SP140: variants seen among roughly 807,000 people sequenced by gnomAD.
SP140 encodes nuclear body protein SP140.
A neutral mutation model predicts 125.0 loss-of-function variants in SP140; 81 were observed. The ratio of observed to expected loss-of-function variants is 0.65; its 90% CI spans 0.54 to 0.78. SP140 has a LOEUF of 0.78. Ranked by LOEUF, SP140 falls within the 30% of genes least tolerant of loss-of-function variation. The pLI, the probability that SP140 is intolerant of heterozygous loss-of-function variation, is 0.00. For synonymous variants in SP140, 312 were observed against 354.0 expected, an observed-to-expected ratio of 0.88 and a Z score of 1.33; for missense variants, 858 against 1,037.0, an observed-to-expected ratio of 0.83 and a Z score of 2.37.
At chr2:230,257,096 A>C (rs752201057) in intron 12 of SP140, among the ~76,000 whole-genome samples, 24 of 151,972 alleles carry the variant, frequency 1.6e-4, no homozygotes, top group Non-Finnish European at 2.6e-4. Context: ...TGAGGTGGGC[A>C]TGGGTTGGGG....
At chr2:230,226,466 G>A (rs1467161041) in intron 1 of SP140, among the ~76,000 whole-genome samples, 2 of 152,194 alleles carry the variant, frequency 1.3e-5, no homozygotes, top group South Asian at 4.1e-4. Context: ...TAGAGAGTGA[G>A]TGCTGCTTCT....
intron 12 of SP140, among the ~76,000 whole-genome samples, chr2:230,257,791 G>A (rs1329020644): frequency 1.3e-5 from 2 of 151,942 alleles, no homozygotes; most frequent in African/African-American, 2.4e-5. Flanking sequence ...AAAATAAGGG[G>A]CCACCACTTA....
rs184262405 is a variant in SP140 at position 230,254,169 on chromosome 2, A to G, written c.1159+752A>G. Among the ~76,000 whole-genome samples, 710 of 152,332 alleles carry G rather than the reference A, an allele frequency of 4.7e-3. 8 individuals carry two copies. The highest frequency in any genetic ancestry group is 0.016 in the African/African-American group (675 of 41,570). ...CAATGTTGGAAGGAAGCACAGATTA[A>G]ACTATGCAGAGAAAGAGATCAAAAT... On this transcript the variant is annotated intron_variant, in intron 11 of 26. Transcript: ENST00000392045.
intron 21 of SP140, among the ~76,000 whole-genome samples, chr2:230,295,649 C>T (rs1163579111): frequency 6.6e-6 from 1 of 152,180 alleles, no homozygotes; most frequent in Non-Finnish European, 1.5e-5. Flanking sequence ...TCCTCTGTGC[C>T]TCTCAGAGCT....
At chr2:230,214,718 T>C (rs2044908887) in intron 3 of SP140, among the ~76,000 whole-genome samples, 1 of 152,218 alleles carries the variant, frequency 6.6e-6, no homozygotes, top group African/African-American at 2.4e-5. Flanking sequence ...TTTTTCCAAA[T>C]TCATAGAACA....
upstream of SP140, chr2:230,221,655 G>T: frequency 6.6e-7 from 1 of 1,505,334 alleles, no homozygotes; most frequent in Non-Finnish European, 8.9e-7. Flanking sequence ...AGGGGATGGC[G>T]GTGGTAAAGG....
At chr2:230,193,444 T>C in the SP140 span, among the ~76,000 whole-genome samples, 1 of 152,262 alleles carries the variant, frequency 6.6e-6, no homozygotes, top group Non-Finnish European at 1.5e-5. Flanking sequence ...TATTGTTTTA[T>C]AGACCTTGTG....
chr2:230,290,545 TAAG>T lies in SP140; in HGVS notation c.1812_1814del (p.Lys605del), dbSNP rs1323795400. On this transcript the variant is annotated inframe_deletion, in exon 19 of 27. Coordinates refer to ENST00000392045, the MANE Select transcript of SP140 (RefSeq NM_007237.5). ...GTGGTGGGGTGAAGGGAATTTTACATAAGAAGAAATTGCAGCAAGGTAGGTTTT... is the reference window on the plus strand; with the variant it reads ...GTGGTGGGGTGAAGGGAATTTTACATAAGAAATTGCAGCAAGGTAGGTTTT... The T allele has an allele frequency of 6.2e-7, 1 of 1,613,434 alleles. No homozygotes were observed. Among genetic ancestry groups the T allele is most frequent in the Non-Finnish European group, 8.5e-7 (1 of 1,179,738 alleles).
chr2:230,229,537 G>A (rs1007482908), intron 1 of SP140, among the ~76,000 whole-genome samples: 1 of 134,270 alleles, frequency 7.4e-6, no homozygotes, highest in African/African-American at 2.8e-5. Context: ...GTGCAATCTC[G>A]GCTCTCTGCA....
At chr2:230,219,768 A>G (rs558946624) in intron 3 of SP140, 2 of 229,772 alleles carry the variant, frequency 8.7e-6, no homozygotes, top group African/African-American at 2.3e-5. Flanking sequence ...AGAGAGCCTC[A>G]GAGTTTAAAT....
At position 230,237,176 on chromosome 2, in the gene SP140, G is replaced by A. The variant is rs150272144; in HGVS notation, c.153G>A (p.Val51=). ...TCAGGTTCTTCAGAGAAAACAAGGT[G>A]GAGATTGCAAGTGCAATAACAAGGC... The part of the protein sequence containing the change: ...PIFRFFRENK[V]EIASAITRPF... The change falls in exon 2 of 27, where the codon GTG becomes GTA. Residue 51 remains valine (V), a synonymous_variant. Coordinates refer to ENST00000392045, the MANE Select transcript of SP140 (RefSeq NM_007237.5). This position sits in a 1 kb window ranked among gnomAD's most constrained non-coding sequence, Gnocchi z 5.4. The A allele has an allele frequency of 3.1e-6, 5 of 1,613,532 alleles. No homozygotes were observed. The highest frequency in any genetic ancestry group is 4.2e-6 in the Non-Finnish European group (5 of 1,179,760).
chr2:230,278,161 G>A (rs183619228), intron 15 of SP140, among the ~76,000 whole-genome samples: 20 of 152,118 alleles, frequency 1.3e-4, no homozygotes, highest in Middle Eastern at 6.8e-3. Flanking sequence ...CTGCCTTTTT[G>A]CTAATAGCTA....
intron 12 of SP140, among the ~76,000 whole-genome samples, chr2:230,258,620 A>G (rs1239474842): frequency 6.6e-6 from 1 of 152,218 alleles, no homozygotes; most frequent in Non-Finnish European, 1.5e-5. Context: ...TGGTATTTCC[A>G]TTTACAAAAT....
rs773364786 is a variant in SP140 at position 230,245,887 on chromosome 2, TA to T, written c.690del (p.Ile230MetfsTer20). The T allele has an allele frequency of 1.9e-6, 3 of 1,607,756 alleles. No individual in the cohort carries two copies. Among genetic ancestry groups the T allele is most frequent in the Non-Finnish European group, 2.6e-6 (3 of 1,174,210 alleles). On this transcript the variant is annotated frameshift_variant, in exon 7 of 27. Transcript: ENST00000392045. LOFTEE classifies it high-confidence loss of function. ...GGVSCKLAIQ[I>X]DEGESEEMPK... ...GTGTCCTGTAAACTTGCTATACAAATAGATGAAGGAGAATCAGAAGAAATGC... is the reference window on the plus strand; with the variant it reads ...GTGTCCTGTAAACTTGCTATACAAATGATGAAGGAGAATCAGAAGAAATGC...
chr2:230,207,632 T>G (rs1377374454), intron 1 of SP140, among the ~76,000 whole-genome samples: 1 of 152,214 alleles, frequency 6.6e-6, no homozygotes, highest in Non-Finnish European at 1.5e-5. Context: ...GAGTGGGCCT[T>G]GATTTTTCTC....
Position 230,269,970 on chromosome 2 carries a change from G to T in SP140, c.1444+17G>T. 3 of 1,571,648 alleles carry T rather than the reference G, an allele frequency of 1.9e-6. No individual in the cohort carries two copies. Among genetic ancestry groups the T allele is most frequent in the Non-Finnish European group, 2.6e-6 (3 of 1,141,590 alleles). On this transcript the variant is annotated intron_variant, in intron 14 of 26. Coordinates refer to ENST00000392045, the MANE Select transcript of SP140 (RefSeq NM_007237.5). ...GCACAATGGGTAAGGCTGTCTGAGG[G>T]CCGTGGGATGGGGGTGGCTCAGTGG...
At chr2:230,262,312 C>A (rs982291878) in intron 12 of SP140, among the ~76,000 whole-genome samples, 6 of 152,186 alleles carry the variant, frequency 3.9e-5, no homozygotes, top group East Asian at 3.9e-4. Flanking sequence ...TGTTTCATTT[C>A]TCAGTGACGT....
chr2:230,309,295 A>G (rs1358267016), intron 22 of SP140, among the ~76,000 whole-genome samples: 3 of 152,122 alleles, frequency 2.0e-5, no homozygotes, highest in African/African-American at 7.2e-5. Flanking sequence ...CAAGTTAGCT[A>G]AGTCAAGGGG....
At chr2:230,194,805 T>C in the SP140 span, among the ~76,000 whole-genome samples, 1 of 152,240 alleles carries the variant, frequency 6.6e-6, no homozygotes, top group Non-Finnish European at 1.5e-5. Context: ...TGATGCCTCA[T>C]GTCCACCTCA....
Sources: allele counts gnomAD v4.1 joint callset (sites outside exome capture counted in the v4.1 genomes callset), GRCh38; gene constraint gnomAD v4.1.1; non-coding constraint Gnocchi (gnomAD v3.1); transcripts MANE v1.5; gene names NCBI Gene and HGNC (gene_info 2026-07-23, HGNC 2026-07-21).